The following SKIC3 variants were observed in gnomAD, a reference collection of about 807,000 sequenced individuals.
SKIC3 encodes the protein superkiller complex protein 3.
At chr5:95,534,338 T>C in the SKIC3 span, among the ~76,000 whole-genome samples, 1 of 152,232 alleles carries the variant, frequency 6.6e-6, no homozygotes, top group East Asian at 1.9e-4. Context: ...TATTTCTTCT[T>C]ACACCACTCC....
chr5:95,494,183 A>G, the SKIC3 span, among the ~76,000 whole-genome samples: 1 of 152,202 alleles, frequency 6.6e-6, no homozygotes. Flanking sequence ...GTACCAGGTA[A>G]TAAAGTATCA....
At chr5:95,530,225 A>G in the SKIC3 span, 3 of 1,613,162 alleles carry the variant, frequency 1.9e-6, no homozygotes, top group Non-Finnish European at 2.5e-6. Flanking sequence ...CATCAGTAAG[A>G]TTTCCTGGAA....
chr5:95,512,795 A>G, the SKIC3 span: 1 of 674,490 alleles, frequency 1.5e-6, no homozygotes, highest in Non-Finnish European at 2.4e-6. Context: ...AGCGAAGAAC[A>G]TATTGAAATT....
At chr5:95,465,825 T>G in the SKIC3 span, among the ~76,000 whole-genome samples, 2 of 152,208 alleles carry the variant, frequency 1.3e-5, no homozygotes, top group Non-Finnish European at 2.9e-5. Context: ...AGGGAGATAC[T>G]ATCTCTGTCT....
the SKIC3 span, among the ~76,000 whole-genome samples, chr5:95,497,934 A>T: frequency 1.3e-5 from 2 of 152,180 alleles, no homozygotes; most frequent in Non-Finnish European, 2.9e-5. Flanking sequence ...GACTACAGAC[A>T]TGACACTTTA....
chr5:95,498,151 T>C, the SKIC3 span, among the ~76,000 whole-genome samples: 256 of 152,284 alleles, frequency 1.7e-3, no homozygotes, highest in African/African-American at 5.9e-3. Flanking sequence ...TTAACCTGAC[T>C]AAGGGCCAAA....
the SKIC3 span, among the ~76,000 whole-genome samples, chr5:95,477,347 C>T: frequency 0.011 from 1,612 of 151,352 alleles, 27 homozygotes; most frequent in African/African-American, 0.036. Context: ...AGTAATGGCA[C>T]CAAAGCAAAA....
At chr5:95,498,240 T>C in the SKIC3 span, 4 of 912,866 alleles carry the variant, frequency 4.4e-6, no homozygotes, top group Non-Finnish European at 6.8e-6. Flanking sequence ...CTGTGTAAAA[T>C]TTCATAAAAC....
chr5:95,525,732 T>C, the SKIC3 span: 1 of 1,519,312 alleles, frequency 6.6e-7, no homozygotes, highest in African/African-American at 1.4e-5. Flanking sequence ...ACAGCAATGT[T>C]TGCTTTAATT....
the SKIC3 span, among the ~76,000 whole-genome samples, chr5:95,488,118 A>G: frequency 1.3e-5 from 2 of 152,238 alleles, no homozygotes; most frequent in East Asian, 3.9e-4. Flanking sequence ...AGATCTTTTC[A>G]AACAACCTAG....
chr5:95,526,469 CTTT>C, the SKIC3 span, among the ~76,000 whole-genome samples: 1 of 145,384 alleles, frequency 6.9e-6, no homozygotes, highest in Non-Finnish European at 1.5e-5. Flanking sequence ...GTCTGACTGT[CTTT>C]TTTTTTTTGT....
At chr5:95,513,377 A>AT in the SKIC3 span, 6,833 of 463,338 alleles carry the variant, frequency 0.015, 1 homozygote, top group East Asian at 0.022. Flanking sequence ...CTAATTTTTA[A>AT]TTTTTTTTTT....
At chr5:95,525,223 T>C in the SKIC3 span, among the ~76,000 whole-genome samples, 1 of 152,156 alleles carries the variant, frequency 6.6e-6, no homozygotes, top group Admixed American at 6.6e-5. Context: ...ATATAATTTT[T>C]TATAGCTACT....
chr5:95,520,300 A>C, the SKIC3 span, among the ~76,000 whole-genome samples: 1 of 151,434 alleles, frequency 6.6e-6, no homozygotes, highest in Non-Finnish European at 1.5e-5. Flanking sequence ...TACCTTCAAG[A>C]CCTACTAATA....
the SKIC3 span, among the ~76,000 whole-genome samples, chr5:95,500,604 C>T: frequency 2.0e-5 from 3 of 152,092 alleles, no homozygotes; most frequent in Non-Finnish European, 4.4e-5. Context: ...AACCATTTTA[C>T]GTCCACAATT....
the SKIC3 span, among the ~76,000 whole-genome samples, chr5:95,544,951 A>C: frequency 1.5e-4 from 23 of 152,282 alleles, no homozygotes; most frequent in Middle Eastern, 3.4e-3. Context: ...AACCACAGCA[A>C]ATGCAACATT....
the SKIC3 span, among the ~76,000 whole-genome samples, chr5:95,474,870 G>T: frequency 1.3e-5 from 2 of 152,178 alleles, no homozygotes; most frequent in African/African-American, 4.8e-5. Flanking sequence ...TGAGCTCTGA[G>T]ATTCTTTCCT....
At chr5:95,475,782 A>T in the SKIC3 span, among the ~76,000 whole-genome samples, 1 of 152,212 alleles carries the variant, frequency 6.6e-6, no homozygotes, top group Non-Finnish European at 1.5e-5. Flanking sequence ...CGTATACATT[A>T]GCAAGATAAT....
At chr5:95,550,807 CAGAG>C in the SKIC3 span, 2 of 152,186 alleles carry the variant, frequency 1.3e-5, no homozygotes, top group East Asian at 3.9e-4. Flanking sequence ...TATTCTTTCC[CAGAG>C]AGACACTATT....
Sources: gnomAD v4.1 joint callset for allele counts (sites outside exome capture counted in the v4.1 genomes callset) on GRCh38, gnomAD v4.1.1 for gene constraint, MANE v1.5 for transcripts, NCBI Gene and HGNC (gene_info 2026-07-23, HGNC 2026-07-21) for gene names.